SNTG2: variants seen among roughly 807,000 people sequenced by gnomAD.
The protein encoded by SNTG2 is syntrophin gamma 2, also known as gamma-2-syntrophin.
SNTG2 carries 74 observed loss-of-function variants against 70.9 expected under a neutral mutation model. That is an observed-to-expected ratio of 1.04 (90% CI 0.86 to 1.27). The LOEUF is 1.27. Ranked by LOEUF, SNTG2 falls within the 50% of genes most tolerant of loss-of-function variation. The probability of loss-of-function intolerance (pLI) is 0.00; values close to 1 mark genes in which losing one functional copy is unlikely to be tolerated. For missense variants in SNTG2, 717 were observed against 690.7 expected (o/e 1.04, Z -0.43); for synonymous variants, 278 against 273.8 (o/e 1.02, Z -0.15).
chr2:1,301,156 C>T (rs755358338), intron 14 of SNTG2, among the ~76,000 whole-genome samples: 5 of 151,860 alleles, frequency 3.3e-5, no homozygotes, highest in Non-Finnish European at 5.9e-5. Flanking sequence ...CAGTGGATGG[C>T]GGGGAAGGGT....
intron 14 of SNTG2, among the ~76,000 whole-genome samples, chr2:1,304,341 G>A (rs750076538): frequency 3.9e-5 from 6 of 152,156 alleles, no homozygotes; most frequent in Non-Finnish European, 8.8e-5. Flanking sequence ...AAATCAAAGG[G>A]GGCGACTTGC....
At chr2:1,186,095 A>G (rs1263862651) in intron 8 of SNTG2, among the ~76,000 whole-genome samples, 1 of 152,160 alleles carries the variant, frequency 6.6e-6, no homozygotes, top group African/African-American at 2.4e-5. Flanking sequence ...GATACCCCAT[A>G]TCATAACTCT....
intron 9 of SNTG2, among the ~76,000 whole-genome samples, chr2:1,224,402 A>T (rs1326666459): frequency 6.6e-6 from 1 of 151,970 alleles, no homozygotes; most frequent in East Asian, 1.9e-4. Flanking sequence ...AGTCCTGGGG[A>T]TGCCACCTGA....
chr2:1,367,401 C>G lies in SNTG2; in HGVS notation c.1547C>G (p.Ala516Gly). 25 of 1,551,760 alleles carry G rather than the reference C, an allele frequency of 1.6e-5. No homozygotes were observed. The highest frequency in any genetic ancestry group is 2.1e-5 in the Non-Finnish European group (24 of 1,147,014). Residue 516 changes from alanine to glycine, a missense_variant, in exon 17 of 17, where the codon GCC becomes GGC. Coordinates refer to ENST00000308624, the MANE Select transcript of SNTG2 (RefSeq NM_018968.4). ...CACTGCATCCACTCCTTCATAGCAG[C>G]CAAGGTGGCCTCCGTGGACCCCGGC... Reference protein sequence around the residue: ...VLHCIHSFIAAKVASVDPGFM... With the variant: ...VLHCIHSFIAGKVASVDPGFM...
intron 1 of SNTG2, among the ~76,000 whole-genome samples, chr2:1,039,420 G>T (rs938945648): frequency 8.5e-5 from 13 of 152,188 alleles, no homozygotes; most frequent in Admixed American, 7.9e-4. Context: ...ATGCCATTTT[G>T]TTAAAAAGTC....
rs1349224812 is a variant in SNTG2 at position 1,293,536 on chromosome 2, GAATT to G, written c.1285-14957_1285-14954del. 4.4e-3 allele frequency among the ~76,000 whole-genome samples: 676 copies of G among 151,996 alleles called. 6 individuals are homozygous for G. The highest frequency in any genetic ancestry group is 0.015 in the African/African-American group (634 of 41,462). On this transcript the variant is annotated intron_variant, in intron 14 of 16. Coordinates refer to ENST00000308624, the MANE Select transcript of SNTG2 (RefSeq NM_018968.4). ...TGGCCCTAGTTTTACTGTGTTGTGT[GAATT>G]CTGGTGTGTTGTGTTTTTTATTTAG...
At chr2:1,080,928 A>G (rs1664247609) in intron 1 of SNTG2, among the ~76,000 whole-genome samples, 1 of 152,116 alleles carries the variant, frequency 6.6e-6, no homozygotes, top group Non-Finnish European at 1.5e-5. Context: ...AGGAATCATT[A>G]CCGAGAACGC....
chr2:1,018,123 C>T (rs1659969377), intron 1 of SNTG2, among the ~76,000 whole-genome samples: 1 of 152,172 alleles, frequency 6.6e-6, no homozygotes, highest in Admixed American at 6.5e-5. Flanking sequence ...TAACGAGCCT[C>T]TGTTGACTCC....
chr2:1,363,606 C>T (rs992137773), intron 16 of SNTG2, among the ~76,000 whole-genome samples: 6 of 152,144 alleles, frequency 3.9e-5, no homozygotes, highest in African/African-American at 1.4e-4. Flanking sequence ...AGGAGTGCAG[C>T]GAGGGATCCA....
At chr2:1,181,478 A>G (rs986767460) in intron 8 of SNTG2, among the ~76,000 whole-genome samples, 1 of 152,132 alleles carries the variant, frequency 6.6e-6, no homozygotes, top group Admixed American at 6.6e-5. Context: ...CAAAAAGCAA[A>G]GTTTGTCATG....
intron 1 of SNTG2, among the ~76,000 whole-genome samples, chr2:953,222 A>G (rs1222705343): frequency 1.3e-5 from 2 of 152,208 alleles, no homozygotes; most frequent in African/African-American, 4.8e-5. Flanking sequence ...GTCTCTGACC[A>G]TACCTGGATT....
intron 1 of SNTG2, among the ~76,000 whole-genome samples, chr2:1,077,414 G>A (rs547009476): frequency 6.6e-6 from 1 of 152,160 alleles, no homozygotes; most frequent in Non-Finnish European, 1.5e-5. Flanking sequence ...TTTTTTCATG[G>A]CTAGTGAGGT....
At chr2:1,238,216 A>C (rs188399612) in intron 10 of SNTG2, among the ~76,000 whole-genome samples, 199 bp downstream of exon 10, 1 of 152,242 alleles carries the variant, frequency 6.6e-6, no homozygotes, top group East Asian at 1.9e-4. Context: ...GGCAATGTCT[A>C]ACAGCTGAGA....
At chr2:1,112,584 G>C (rs1168252827) in intron 4 of SNTG2, among the ~76,000 whole-genome samples, 3 of 151,476 alleles carry the variant, frequency 2.0e-5, no homozygotes, top group Non-Finnish European at 4.4e-5. Context: ...AGTCCTTTGA[G>C]AAAGATCGTG....
At chr2:1,140,149 A>G (rs987330915) in intron 6 of SNTG2, among the ~76,000 whole-genome samples, 2 of 152,244 alleles carry the variant, frequency 1.3e-5, no homozygotes, top group African/African-American at 2.4e-5. Flanking sequence ...TACTGAATGC[A>G]AAGAATCCTT....
At chr2:1,145,069 C>A (rs1182817408) in intron 6 of SNTG2, among the ~76,000 whole-genome samples, 1 of 151,956 alleles carries the variant, frequency 6.6e-6, no homozygotes. Context: ...GCAGTGAAAG[C>A]AGTGATAAGA....
At chr2:1,078,538 G>C (rs1203075320) in intron 1 of SNTG2, among the ~76,000 whole-genome samples, 3 of 152,098 alleles carry the variant, frequency 2.0e-5, no homozygotes, top group Admixed American at 2.0e-4. Flanking sequence ...CGGCGGCGCT[G>C]CAGGACAGCT....
intron 16 of SNTG2, among the ~76,000 whole-genome samples, chr2:1,351,493 A>T (rs904954794): frequency 9.2e-5 from 14 of 152,138 alleles, no homozygotes; most frequent in Non-Finnish European, 1.9e-4. Context: ...GATTACAGAG[A>T]ACACTGCCAA....
At chr2:1,342,212 C>A (rs910122609) in intron 16 of SNTG2, among the ~76,000 whole-genome samples, 2 of 141,364 alleles carry the variant, frequency 1.4e-5, no homozygotes, top group African/African-American at 2.8e-5. Context: ...TTGCTTCTGG[C>A]TTGTTATGAA....
Sources: allele counts gnomAD v4.1 joint callset (sites outside exome capture counted in the v4.1 genomes callset), GRCh38; gene constraint gnomAD v4.1.1; transcripts MANE v1.5; gene names NCBI Gene and HGNC (gene_info 2026-07-23, HGNC 2026-07-21).